ZNF578: variants seen among roughly 807,000 people sequenced by gnomAD.
The protein encoded by ZNF578 is zinc finger protein 578, also known as Putative chemokine-related protein B42.
A neutral mutation model predicts 8.3 loss-of-function variants in ZNF578; 8 were observed. The ratio of observed to expected loss-of-function variants is 0.96; its 90% CI spans 0.56 to 1.74. The LOEUF is 1.74. Ranked by LOEUF, ZNF578 falls within the 40% of genes most tolerant of loss-of-function variation. The probability of loss-of-function intolerance (pLI) is 0.00; values close to 1 mark genes in which losing one functional copy is unlikely to be tolerated. For synonymous variants in ZNF578, 206 were observed against 232.2 expected, an observed-to-expected ratio of 0.89 and a Z score of 1.03; for missense variants, 726 against 707.5, an observed-to-expected ratio of 1.03 and a Z score of -0.30.
At chr19:52,492,571 G>T (rs35895760) in intron 3 of ZNF578, among the ~76,000 whole-genome samples, 5,386 of 152,284 alleles carry the variant, frequency 0.035, 115 homozygotes, top group Middle Eastern at 0.12. Context: ...TAGTTTGCAT[G>T]CCCGTTCCAG....
chr19:52,488,709 A>G (rs1459497655), intron 2 of ZNF578, among the ~76,000 whole-genome samples: 6 of 150,658 alleles, frequency 4.0e-5, no homozygotes, highest in African/African-American at 7.3e-5. Context: ...GCTTGAACCC[A>G]GGAGGCAGAG....
intron 3 of ZNF578, among the ~76,000 whole-genome samples, chr19:52,496,115 G>A (rs2059385239): frequency 6.6e-6 from 1 of 151,802 alleles, no homozygotes; most frequent in Admixed American, 6.6e-5. Context: ...TGCCTCCCGG[G>A]TTCAAGGAAT....
chr19:52,456,147 A>C (rs187689341), intron 1 of ZNF578: 1 of 152,206 alleles, frequency 6.6e-6, no homozygotes, highest in Non-Finnish European at 1.5e-5. Flanking sequence ...GTGAAGGTTT[A>C]TGTGACCCTT....
intron 3 of ZNF578, among the ~76,000 whole-genome samples, chr19:52,492,476 A>AG (rs2059369142): frequency 1.3e-5 from 2 of 152,098 alleles, no homozygotes; most frequent in African/African-American, 4.8e-5. Flanking sequence ...GGCGAATAGA[A>AG]AGAGAGAGGA....
At chr19:52,459,769 A>ATATATATTT (rs1555751349) in intron 2 of ZNF578, among the ~76,000 whole-genome samples, 2,455 of 17,616 alleles carry the variant, frequency 0.14, 797 homozygotes, top group Non-Finnish European at 0.19. Flanking sequence ...ATATATATAT[A>ATATATATTT]TTTTTTTTTT....
chr19:52,486,615 G>A (rs770278970), intron 2 of ZNF578, among the ~76,000 whole-genome samples: 1 of 152,170 alleles, frequency 6.6e-6, no homozygotes, highest in Middle Eastern at 3.4e-3. Flanking sequence ...AGGATTTGGA[G>A]CCAGGGCAGA....
intron 5 of ZNF578, among the ~76,000 whole-genome samples, chr19:52,506,279 T>C (rs1421035068): frequency 2.6e-5 from 4 of 151,902 alleles, no homozygotes; most frequent in East Asian, 1.9e-4. Flanking sequence ...TATCTGTCGA[T>C]GGATATCTGG....
intron 2 of ZNF578, among the ~76,000 whole-genome samples, chr19:52,486,733 G>A (rs1296673003): frequency 6.6e-6 from 1 of 151,186 alleles, no homozygotes; most frequent in African/African-American, 2.4e-5. Context: ...GTGTATCAGG[G>A]AAGAGAGAAT....
At chr19:52,496,759 T>C (rs1324518487) in intron 3 of ZNF578, among the ~76,000 whole-genome samples, 1 of 151,938 alleles carries the variant, frequency 6.6e-6, no homozygotes, top group Non-Finnish European at 1.5e-5. Context: ...TGCCTCAGCC[T>C]CCTAAGTAGT....
intron 5 of ZNF578, among the ~76,000 whole-genome samples, chr19:52,509,630 A>G (rs1435794426): frequency 6.6e-6 from 1 of 152,084 alleles, no homozygotes; most frequent in Non-Finnish European, 1.5e-5. Context: ...AGCCAGTCAT[A>G]GTGGTGTGTG....
chr19:52,484,220 G>A (rs541329626), intron 2 of ZNF578, among the ~76,000 whole-genome samples: 5 of 152,354 alleles, frequency 3.3e-5, no homozygotes, highest in Admixed American at 1.3e-4. Flanking sequence ...CTGCCAGCAT[G>A]TCTCACCTCC....
chr19:52,507,989 T>C (rs762918504), intron 5 of ZNF578, among the ~76,000 whole-genome samples: 2 of 151,796 alleles, frequency 1.3e-5, no homozygotes, highest in East Asian at 1.9e-4. Flanking sequence ...GCGGAGGTTA[T>C]GGTGAGCCGA....
At chr19:52,461,158 A>C (rs2059256751) in intron 2 of ZNF578, among the ~76,000 whole-genome samples, 1 of 152,208 alleles carries the variant, frequency 6.6e-6, no homozygotes, top group Non-Finnish European at 1.5e-5. Context: ...TGTTCCTTTC[A>C]TTTGGCTATA....
At position 52,510,885 on chromosome 19, in the gene ZNF578, C is replaced by T. The variant is rs1404122416; in HGVS notation, c.504C>T (p.His168=). Residue 168 remains histidine, a synonymous_variant, in exon 6 of 6, where the codon CAC becomes CAT. Coordinates refer to ENST00000421239, the MANE Select transcript of ZNF578 (RefSeq NM_001099694.2). ...TTCATTTGCATCTTCCTGAACTCCA[C>T]ATATTTCAGCCCGAAGAGAAAATTG... The part of the protein sequence containing the change: ...LSFHLHLPEL[H]IFQPEEKIAN... 2 of 1,614,108 alleles carry T rather than the reference C, an allele frequency of 1.2e-6. No individual in the cohort carries two copies. The highest frequency in any genetic ancestry group is 1.7e-6 in the Non-Finnish European group (2 of 1,180,042).
intron 2 of ZNF578, chr19:52,473,903 G>A (rs912143515): frequency 3.1e-6 from 1 of 317,782 alleles, no homozygotes; most frequent in East Asian, 7.6e-5. Context: ...ACATCTATAA[G>A]GTTTCTCTTC....
intron 2 of ZNF578, among the ~76,000 whole-genome samples, chr19:52,478,081 C>T (rs1376457555): frequency 1.3e-5 from 2 of 152,168 alleles, no homozygotes; most frequent in Admixed American, 1.3e-4. Flanking sequence ...GTCTCTGTGT[C>T]CAGCAGCACG....
At chr19:52,470,803 C>A (rs1200689855) in intron 2 of ZNF578, among the ~76,000 whole-genome samples, 1 of 152,202 alleles carries the variant, frequency 6.6e-6, no homozygotes. Flanking sequence ...CCAAGGGCTT[C>A]CAGGCTTTTA....
intron 3 of ZNF578, among the ~76,000 whole-genome samples, chr19:52,493,800 G>A (rs75119070): frequency 0.07 from 10,568 of 151,770 alleles, 394 homozygotes; most frequent in South Asian, 0.094. Flanking sequence ...AGACCAGCCT[G>A]TCCAACATGG....
intron 5 of ZNF578, among the ~76,000 whole-genome samples, chr19:52,507,544 A>C (rs939471874): frequency 6.6e-6 from 1 of 152,094 alleles, no homozygotes; most frequent in Non-Finnish European, 1.5e-5. Flanking sequence ...TCAAAAACAG[A>C]CAAAAAAAGA....
Sources: allele counts gnomAD v4.1 joint callset (sites outside exome capture counted in the v4.1 genomes callset), GRCh38; gene constraint gnomAD v4.1.1; transcripts MANE v1.5; gene names NCBI Gene and HGNC (gene_info 2026-07-23, HGNC 2026-07-21).